BMPER: variants seen among roughly 807,000 people sequenced by gnomAD.
BMPER encodes the protein BMP-binding endothelial regulator protein.
A neutral mutation model predicts 87.3 loss-of-function variants in BMPER; 45 were observed. The ratio of observed to expected loss-of-function variants is 0.52; its 90% confidence interval spans 0.41 to 0.66. The LOEUF (loss-of-function observed/expected upper bound fraction) is 0.66, where lower values mean the gene tolerates loss of function less well. Ranked by LOEUF, BMPER falls within the 30% of genes least tolerant of loss-of-function variation. The probability of loss-of-function intolerance (pLI) is 0.00; values close to 1 mark genes in which losing one functional copy is unlikely to be tolerated. For missense variants in BMPER, 784 were observed against 867.5 expected, an observed-to-expected ratio of 0.90 and a Z score of 1.21; for synonymous variants, 326 against 316.2, an observed-to-expected ratio of 1.03 and a Z score of -0.33.
rs752346988 is a variant in BMPER, at chr7:34,062,050, A to G, written c.1078+3A>G. The G allele has an allele frequency of 6.2e-7, 1 of 1,611,000 alleles. No individual in the cohort carries two copies. Among genetic ancestry groups the G allele is most frequent in the South Asian group, 1.1e-5 (1 of 90,872 alleles). On this transcript the variant is annotated splice_donor_region_variant and intron_variant, in intron 11 of 14. Coordinates refer to ENST00000649409, the MANE Select transcript of BMPER (RefSeq NM_001365308.1). ...ATGCTGTCCTATTTGCACTGAAAGT[A>G]AGTTTATTCCTTTGAAAATGTGCTA...
intron 14 of BMPER, 138 bp from the exon 15 acceptor site, chr7:34,152,954 C>A: frequency 1.0e-6 from 1 of 1,001,240 alleles, no homozygotes; most frequent in Non-Finnish European, 1.6e-6. Context: ...TTGTCATTCT[C>A]TTGTTAAAAT....
chr7:34,046,933 T>A (rs963580599), intron 7 of BMPER, among the ~76,000 whole-genome samples: 3 of 151,752 alleles, frequency 2.0e-5, no homozygotes, highest in South Asian at 2.1e-4. Flanking sequence ...TTTATTTTTT[T>A]TTTTTTCTCA....
At chr7:33,992,761 G>A (rs1178929791) in intron 6 of BMPER, among the ~76,000 whole-genome samples, 1 of 148,586 alleles carries the variant, frequency 6.7e-6, no homozygotes. Context: ...GGTACCGGTT[G>A]CTCCTTTCCA....
At chr7:34,060,058 C>A (rs1788395366) in intron 10 of BMPER, among the ~76,000 whole-genome samples, 1 of 151,978 alleles carries the variant, frequency 6.6e-6, no homozygotes, top group African/African-American at 2.4e-5. Flanking sequence ...CTAACATCAC[C>A]CCTCTGAGGT....
chr7:33,910,086 AGGGG>A (rs1437895281), intron 2 of BMPER, among the ~76,000 whole-genome samples: 1 of 152,128 alleles, frequency 6.6e-6, no homozygotes, highest in African/African-American at 2.4e-5. Context: ...CATCTATTTG[AGGGG>A]GTAGGTGAGA....
At chr7:33,941,203 A>C (rs1007983301) in intron 3 of BMPER, among the ~76,000 whole-genome samples, 2 of 142,696 alleles carry the variant, frequency 1.4e-5, no homozygotes, top group Non-Finnish European at 3.0e-5. Flanking sequence ...TATGTTAGAA[A>C]TAAAAATATA....
At chr7:33,979,514 C>G (rs1785788055) in intron 6 of BMPER, among the ~76,000 whole-genome samples, 1 of 152,034 alleles carries the variant, frequency 6.6e-6, no homozygotes, top group African/African-American at 2.4e-5. Flanking sequence ...TGTTGGCACC[C>G]TTCTTCTTTC....
intron 13 of BMPER, among the ~76,000 whole-genome samples, chr7:34,102,660 T>C (rs963460981): frequency 2.6e-5 from 4 of 152,192 alleles, no homozygotes; most frequent in Non-Finnish European, 4.4e-5. Flanking sequence ...TTCTAGAGTA[T>C]TTGTGGCACT....
intron 3 of BMPER, among the ~76,000 whole-genome samples, chr7:33,946,719 C>A (rs189438757): frequency 6.6e-6 from 1 of 152,096 alleles, no homozygotes; most frequent in Non-Finnish European, 1.5e-5. Context: ...TATTTTCCTC[C>A]GAAAAAGATG....
chr7:33,905,413 C>T, upstream of BMPER: 2 of 245,358 alleles, frequency 8.2e-6, no homozygotes, highest in East Asian at 1.1e-4. Context: ...CCCCTCCTCC[C>T]CGGGCGCCCC....
intron 13 of BMPER, among the ~76,000 whole-genome samples, chr7:34,131,743 A>G (rs943189219): frequency 1.3e-5 from 2 of 152,146 alleles, no homozygotes; most frequent in South Asian, 2.1e-4. Context: ...CCAGGCTAGT[A>G]TTGTTCGGCT....
At chr7:33,953,590 T>C (rs949694821) in intron 3 of BMPER, among the ~76,000 whole-genome samples, 3 of 152,282 alleles carry the variant, frequency 2.0e-5, no homozygotes, top group South Asian at 2.1e-4. Flanking sequence ...AAATGAATCA[T>C]AATCCCCAAT....
chr7:33,984,237 G>A (rs1397238127), intron 6 of BMPER, among the ~76,000 whole-genome samples: 1 of 152,178 alleles, frequency 6.6e-6, no homozygotes, highest in Non-Finnish European at 1.5e-5. Flanking sequence ...GGAGGCCGAG[G>A]CGGGTGGATC....
At chr7:33,984,209 T>A (rs113800539) in intron 6 of BMPER, among the ~76,000 whole-genome samples, 3,342 of 152,288 alleles carry the variant, frequency 0.022, 51 homozygotes, top group Non-Finnish European at 0.033. Flanking sequence ...GGCTCATGCC[T>A]GTAATCCTAG....
intron 6 of BMPER, among the ~76,000 whole-genome samples, chr7:34,024,385 ATATATATATATATATATATATATATATAT>A (rs1787295942): frequency 0.016 from 58 of 3,690 alleles, no homozygotes; most frequent in East Asian, 0.1. Context: ...AAAAAAAACA[ATATATATATATATATATATATATATATAT>A]ATATATATAT....
intron 3 of BMPER, among the ~76,000 whole-genome samples, chr7:33,958,519 C>T (rs570832389): frequency 7.0e-4 from 106 of 152,290 alleles, no homozygotes; most frequent in African/African-American, 2.3e-3. Context: ...TTTGTACCAC[C>T]GCTGGAACAT....
chr7:33,948,117 C>T (rs930574136), intron 3 of BMPER, among the ~76,000 whole-genome samples: 1 of 152,130 alleles, frequency 6.6e-6, no homozygotes, highest in African/African-American at 2.4e-5. Flanking sequence ...GTGGTTCTTT[C>T]CTCAACCTCT....
rs559475421 is a variant in BMPER, at chr7:33,983,455, C to G, written c.576+8671C>G. 1.1e-4 allele frequency among the ~76,000 whole-genome samples: 16 copies of G among 152,232 alleles called. No individual in the cohort carries two copies. In the South Asian group the frequency reaches 3.3e-3, roughly 32 times the overall value. On this transcript the variant is annotated intron_variant, in intron 6 of 14. Transcript: ENST00000649409. ...AAGAAATCCACAAATGATTTATTTA[C>G]AGAGGAATTATTGATAATGGTTATT...
intron 14 of BMPER, among the ~76,000 whole-genome samples, chr7:34,145,753 T>G (rs577863645): frequency 6.6e-6 from 1 of 152,318 alleles, no homozygotes; most frequent in South Asian, 2.1e-4. Context: ...TGGGATCATA[T>G]TAGATACAGG....
Sources: gnomAD v4.1 joint callset for allele counts (sites outside exome capture counted in the v4.1 genomes callset) on GRCh38, gnomAD v4.1.1 for gene constraint, MANE v1.5 for transcripts, NCBI Gene and HGNC (gene_info 2026-07-23, HGNC 2026-07-21) for gene names.